The following MYH3 variants were observed in gnomAD, a reference collection of about 807,000 sequenced individuals.
The protein encoded by MYH3 is myosin heavy chain 3, also known as myosin-3.
In MYH3, 130 loss-of-function variants were observed where a neutral mutation model predicts 238.0. The ratio of observed to expected loss-of-function variants is 0.55; its 90% CI spans 0.47 to 0.63. MYH3 has a LOEUF of 0.63. Ranked by LOEUF, MYH3 falls within the 30% of genes least tolerant of loss-of-function variation. The pLI is 0.00. For synonymous variants in MYH3, 880 were observed against 924.1 expected (o/e 0.95, Z 0.86); for missense variants, 1,853 against 2,374.9 (o/e 0.78, Z 4.57).
At position 10,630,151 on chromosome 17, in the gene MYH3, T is replaced by C. The variant is rs776111421; in HGVS notation, c.5503A>G (p.Thr1835Ala). The part of the protein sequence containing the change: ...FELEGEQKKN[T>A]ESVKGLRKYE... ...TTCCTCAGGCCCTTAACAGACTCTG[T>C]GTTCTTCTTCTGCTCTCCCTCAAGT... is the stretch of plus-strand genomic sequence containing the variant. Residue 1835 changes from threonine to alanine, a missense_variant, in exon 38 of 41, where the codon ACA becomes GCA. Around this residue, in one of 3 missense-constraint regions of MYH3, gnomAD observed 1,044 missense variants for 1,192.6 expected, o/e 0.88. Coordinates refer to ENST00000583535, the MANE Select transcript of MYH3 (RefSeq NM_002470.4). The C allele has an allele frequency of 2.5e-6, 4 of 1,614,158 alleles. No individual in the cohort carries two copies. The East Asian group carries it at 6.7e-5, about 27-fold the overall frequency.
At chr17:10,659,708 G>A (rs563517581), upstream of MYH3, among the ~76,000 whole-genome samples, 7 of 152,296 alleles carry the variant, frequency 4.6e-5, no homozygotes, top group African/African-American at 1.2e-4. Context: ...CATGCTGATC[G>A]CGTTCAAATG....
At chr17:10,632,436 G>A in intron 34 of MYH3, 40 bp downstream of exon 34, 3 of 1,592,494 alleles carry the variant, frequency 1.9e-6, no homozygotes, top group South Asian at 2.2e-5. Flanking sequence ...CTGAGTATGT[G>A]AGGAGGAGAG....
intron 36 of MYH3, 130 bp from the exon 37 acceptor site, chr17:10,630,588 G>A (rs2074146267): frequency 5.1e-6 from 7 of 1,380,504 alleles, no homozygotes; most frequent in African/African-American, 2.8e-5. Flanking sequence ...GGTGGCTCAC[G>A]TCTGTAATCC....
At chr17:10,672,626 C>A in the MYH3 span, 1 of 152,186 alleles carries the variant, frequency 6.6e-6, no homozygotes, top group Non-Finnish European at 1.5e-5. Context: ...CCCCTCCTGC[C>A]CCTGGCAATC....
intron 30 of MYH3, 80 bp from the exon 31 acceptor site, chr17:10,635,103 C>T (rs879190101): frequency 6.7e-7 from 1 of 1,487,610 alleles, no homozygotes; most frequent in Admixed American, 1.7e-5. Flanking sequence ...GTTGGAATCA[C>T]TAATCTATGT....
Position 10,644,648 on chromosome 17 carries a change from G to A in MYH3, c.1196C>T (p.Ala399Val). ...MGLNSSDLLK[A>V]LCFPRVKVGN... ...AACTTTCACTCTAGGAAAGCACAAA[G>A]CTTTTAGGAGGTCCGAAGAGTTCAG... The change falls in exon 13 of 41, where the codon GCT becomes GTT. Residue 399 changes from alanine to valine, a missense_variant. By Grantham distance (64) the Ala-to-Val change is moderately conservative (BLOSUM62 0). Around this residue, in one of 3 missense-constraint regions of MYH3, gnomAD observed 678 missense variants for 1,058.9 expected, o/e 0.64. Transcript: ENST00000583535. The A allele has an allele frequency of 6.2e-7, 1 of 1,614,130 alleles. No individual in the cohort carries two copies. Among genetic ancestry groups the A allele is most frequent in the Non-Finnish European group, 8.5e-7 (1 of 1,180,032 alleles).
At chr17:10,638,457 G>T in intron 26 of MYH3, 25 bp from the exon 27 acceptor site, 2 of 1,599,440 alleles carry the variant, frequency 1.3e-6, no homozygotes, top group South Asian at 2.2e-5. Flanking sequence ...CGTTCACCCC[G>T]TGGGCAGTGG....
chr17:10,639,766 C>T lies in MYH3; in HGVS notation c.2719G>A (p.Asp907Asn), dbSNP rs1318197712. The change falls in exon 23 of 41, where the codon GAT (aspartate) becomes AAT (asparagine). Residue 907 changes from aspartate (D) to asparagine (N), a missense_variant. Asp to Asn is a conservative substitution (Grantham distance 23, BLOSUM62 1). Coordinates refer to ENST00000583535, the MANE Select transcript of MYH3 (RefSeq NM_002470.4). ...ENLLDAEERC[D>N]QLIKAKFQLE... ...TGGAATTTGGCTTTGATCAGCTGAT[C>T]GCATCTTTCCTCAGCATCCAACAAA... The T allele has an allele frequency of 5.0e-6, 8 of 1,613,408 alleles. No individual in the cohort carries two copies. The South Asian group carries it at 6.6e-5, about 13-fold the overall frequency.
intron 8 of MYH3, 70 bp downstream of exon 8, chr17:10,648,487 T>C: frequency 7.7e-7 from 1 of 1,304,458 alleles, no homozygotes; most frequent in Non-Finnish European, 1.1e-6. Flanking sequence ...TCTACACTCT[T>C]TGAGGACAGG....
At chr17:10,671,005 T>G in the MYH3 span, among the ~76,000 whole-genome samples, 1 of 152,144 alleles carries the variant, frequency 6.6e-6, no homozygotes, top group African/African-American at 2.4e-5. Context: ...TTCTCCTGCC[T>G]CAGCCTCCCT....
intron 36 of MYH3, among the ~76,000 whole-genome samples, chr17:10,630,747 A>T (rs552706222): frequency 1.3e-5 from 2 of 152,094 alleles, no homozygotes; most frequent in Non-Finnish European, 2.9e-5. Flanking sequence ...GCTACTCCGG[A>T]GGCTGAGGCA....
chr17:10,652,996 A>G (rs1246037792), intron 3 of MYH3, among the ~76,000 whole-genome samples: 3 of 152,166 alleles, frequency 2.0e-5, no homozygotes, highest in African/African-American at 7.2e-5. Flanking sequence ...GCCAAACCCT[A>G]GAACAAGCCC....
chr17:10,674,289 G>C, the MYH3 span: 1 of 163,898 alleles, frequency 6.1e-6, no homozygotes. Flanking sequence ...CACCGGGCAT[G>C]GTGGCGGGCG....
chr17:10,635,743 C>T lies in MYH3; in HGVS notation c.3967G>A (p.Glu1323Lys), dbSNP rs2074208670. 6.2e-7 allele frequency: 1 copy of T among 1,614,028 alleles called. No individual in the cohort carries two copies. Among genetic ancestry groups the T allele is most frequent in the African/African-American group, 1.3e-5 (1 of 75,042 alleles). The change falls in exon 29 of 41, where the codon GAG becomes AAG. Residue 1323 changes from glutamate (E) to lysine (K), a missense_variant. By Grantham distance (56) the Glu-to-Lys change is moderately conservative. This residue lies in a region of MYH3 where 1,044 missense variants were observed against 1,192.6 expected (regional missense o/e 0.88). Coordinates refer to ENST00000583535, the MANE Select transcript of MYH3 (RefSeq NM_002470.4). ...TTCCTTCAATGGTGTACCTTGTTCT[C>T]TTCCTCCAGCTGCCTCTTGAGCTCT... ...TEELKRQLEE[E>K]NKAKNALAHA...
At chr17:10,666,012 T>A in the MYH3 span, among the ~76,000 whole-genome samples, 1 of 152,188 alleles carries the variant, frequency 6.6e-6, no homozygotes, top group African/African-American at 2.4e-5. Flanking sequence ...AAAGATGGAC[T>A]CTTTAATAAG....
chr17:10,674,987 A>G, the MYH3 span: 11 of 152,300 alleles, frequency 7.2e-5, no homozygotes, highest in African/African-American at 2.4e-4. Context: ...GCAGCCAACA[A>G]GGAATGTGCC....
At position 10,630,349 on chromosome 17, in the gene MYH3, T is replaced by A. The variant is rs2074142821; in HGVS notation, c.5396A>T (p.Asp1799Val). The change falls in exon 37 of 41, where the codon GAT becomes GTT. Residue 1799 changes from aspartate (D) to valine (V), a missense_variant. Around this residue, in one of 3 missense-constraint regions of MYH3, gnomAD observed 1,044 missense variants for 1,192.6 expected, o/e 0.88. Transcript: ENST00000583535. ...CTTCAGCGCCAGCTGCTCGGCCTCA[T>A]CTAGACGATGCTGCAGGTCCTTCAC... ...QTVKDLQHRL[D>V]EAEQLALKGG... is the part of the protein sequence containing the mutation. The A allele has an allele frequency of 6.2e-7, 1 of 1,614,192 alleles. No homozygotes were observed. The highest frequency in any genetic ancestry group is 8.5e-7 in the Non-Finnish European group (1 of 1,180,036).
At chr17:10,647,974 A>T (rs763994328) in intron 8 of MYH3, among the ~76,000 whole-genome samples, 12 of 152,144 alleles carry the variant, frequency 7.9e-5, no homozygotes, top group Admixed American at 2.0e-4. Context: ...GTATCTAGTC[A>T]ACAAAGCAAC....
At chr17:10,660,727 T>C (rs1310440890), upstream of MYH3, among the ~76,000 whole-genome samples, 3 of 149,740 alleles carry the variant, frequency 2.0e-5, no homozygotes, top group Non-Finnish European at 3.0e-5. Flanking sequence ...ATGCCTATAA[T>C]CCCAGCACTT....
Sources: gnomAD v4.1 joint callset for allele counts (sites outside exome capture counted in the v4.1 genomes callset) on GRCh38, gnomAD v4.1.1 for gene constraint, gnomAD v4.1.1 regional missense constraint, MANE v1.5 for transcripts, NCBI Gene and HGNC (gene_info 2026-07-23, HGNC 2026-07-21) for gene names.